Variants in PPP1R36 observed in about 807,000 individuals in gnomAD.
PPP1R36 encodes protein phosphatase 1 regulatory subunit 36, also known as chromosome 14 open reading frame 50.
PPP1R36 carries 47 observed loss-of-function variants against 53.4 expected under a neutral mutation model. The observed-to-expected ratio is 0.88, with a 90% CI of 0.70 to 1.12. PPP1R36 has a LOEUF of 1.12. Ranked by LOEUF, PPP1R36 falls within the 50% of genes most tolerant of loss-of-function variation. PPP1R36 has a pLI of 0.00. For synonymous variants in PPP1R36, 153 were observed against 170.5 expected (o/e 0.90, Z 0.80); for missense variants, 456 against 513.9 (o/e 0.89, Z 1.09).
Position 64,587,454 on chromosome 14 carries a change from T to C in PPP1R36, c.890+82T>C, listed in dbSNP as rs2080444823. The C allele has an allele frequency of 7.9e-6, 3 of 379,282 alleles. No individual in the cohort carries two copies. In the African/African-American group the frequency reaches 1.3e-4, roughly 16 times the overall value. 23.5% of individuals were successfully genotyped at this position (379,282 alleles called of 1,614,324 possible). On this transcript the variant is annotated intron_variant, in intron 10 of 11. Coordinates refer to ENST00000298705, the MANE Select transcript of PPP1R36 (RefSeq NM_172365.3). ...TTTTCTTTTCTTTTTTCTCCTTTTT[T>C]TTTTTTTTTTTTTTTTTTTTTTTTG...
rs111285340 is a variant in PPP1R36, at chr14:64,565,520, T to G, written c.367+66T>G. 4.5e-4 allele frequency: 644 copies of G among 1,429,288 alleles called. 7 individuals are homozygous for G. In the African/African-American group the frequency reaches 8.0e-3, roughly 18 times the overall value. The allele number at this position is 1,429,288 out of a possible 1,614,324, so 88.5% of individuals were successfully genotyped here. A position where few individuals can be genotyped will look rare whatever the true frequency, so the allele number is the denominator to read the frequency against. On this transcript the variant is annotated intron_variant, in intron 5 of 11. Transcript: ENST00000298705. ...GTACATACATACACATATCCATACA[T>G]AAACATCCGCCCATCTACATATAAC...
In PPP1R36 at chr14:64,588,277, A is replaced by G; in HGVS notation, c.1064A>G (p.Asp355Gly). 1 of 1,610,900 alleles carries G rather than the reference A, an allele frequency of 6.2e-7. No individual in the cohort carries two copies. The highest frequency in any genetic ancestry group is 8.5e-7 in the Non-Finnish European group (1 of 1,177,802). ...ATGCAAAAGCATGTGGGAACTCTGG[A>G]CTCTGTGCCCATGCCGGTGTAAGTG... is the stretch of plus-strand genomic sequence containing the variant. ...AEMQKHVGTL[D>G]SVPMPVVGIL... Residue 355 changes from aspartate to glycine, a missense_variant, in exon 11 of 12, where the codon GAC (aspartate) becomes GGC (glycine). Physicochemically the swap from Asp to Gly is moderately conservative, Grantham distance 94. Coordinates refer to ENST00000298705, the MANE Select transcript of PPP1R36 (RefSeq NM_172365.3).
Position 64,579,651 on chromosome 14 carries a change from T to A in PPP1R36, c.668+5062T>A, listed in dbSNP as rs149549493. 1.7e-3 allele frequency among the ~76,000 whole-genome samples: 263 copies of A among 152,336 alleles called. 1 individual carries two copies. The Middle Eastern group carries it at 0.037, about 22-fold the overall frequency. On this transcript the variant is annotated intron_variant, in intron 8 of 11. Coordinates refer to ENST00000298705, the MANE Select transcript of PPP1R36 (RefSeq NM_172365.3). ...TTGTCTTTAAAGTGTCACTTCTAGT[T>A]AGAAAACTAGGATTTAAGGTTAAAA...
chr14:64,570,037 C>G (rs1027211634), intron 7 of PPP1R36, among the ~76,000 whole-genome samples: 1 of 151,966 alleles, frequency 6.6e-6, no homozygotes, highest in Non-Finnish European at 1.5e-5. Context: ...CCGTGCCTGG[C>G]CTACTTTCTT....
intron 8 of PPP1R36, among the ~76,000 whole-genome samples, chr14:64,585,108 T>G (rs2080420654): frequency 6.6e-6 from 1 of 152,168 alleles, no homozygotes; most frequent in Non-Finnish European, 1.5e-5. Flanking sequence ...AGGCCGAAGG[T>G]CCTGTGAGGT....
At chr14:64,585,017 CCCCAGTAACCA>C (rs1336345789) in intron 8 of PPP1R36, among the ~76,000 whole-genome samples, 1 of 152,176 alleles carries the variant, frequency 6.6e-6, no homozygotes, top group Non-Finnish European at 1.5e-5. Context: ...GAGGGGCAGG[CCCCAGTAACCA>C]CCTCTTTGGC....
At chr14:64,554,149 T>G (rs961710167) in intron 3 of PPP1R36, among the ~76,000 whole-genome samples, 46 of 141,158 alleles carry the variant, frequency 3.3e-4, no homozygotes, top group Non-Finnish European at 4.6e-4. Context: ...ATTGTTTTTT[T>G]TTTTTTTTTT....
In PPP1R36 at chr14:64,568,404, T is replaced by A. The variant is rs757436474; in HGVS notation, c.490T>A (p.Leu164Met). ...MALLYYLSHY[L>M]EKNSLEKKPK... ...ATTATTGTACTACTTATCCCATTAC[T>A]TGGAAAAAAACTCACTGGAAAAGAA... Residue 164 changes from leucine to methionine, a missense_variant, in exon 7 of 12, where the codon TTG becomes ATG. Physicochemically the swap from Leu to Met is conservative, Grantham distance 15 (BLOSUM62 2). Transcript: ENST00000298705. The A allele has an allele frequency of 6.4e-7, 1 of 1,568,468 alleles. No individual in the cohort carries two copies. The highest frequency in any genetic ancestry group is 1.2e-5 in the South Asian group (1 of 86,390).
At chr14:64,584,702 T>C (rs2080417019) in intron 8 of PPP1R36, among the ~76,000 whole-genome samples, 1 of 152,172 alleles carries the variant, frequency 6.6e-6, no homozygotes, top group Admixed American at 6.5e-5. Flanking sequence ...CTGTCCCTAA[T>C]TAGATATATG....
At chr14:64,571,110 C>CTGTT (rs10638013) in intron 7 of PPP1R36, among the ~76,000 whole-genome samples, 46,102 of 150,412 alleles carry the variant, frequency 0.31, 7,201 homozygotes, top group African/African-American at 0.38. Context: ...TATGTATGTA[C>CTGTT]TGTTTGTTTG....
chr14:64,578,910 T>G (rs911625084), intron 8 of PPP1R36, among the ~76,000 whole-genome samples: 2 of 152,188 alleles, frequency 1.3e-5, no homozygotes, highest in Non-Finnish European at 2.9e-5. Context: ...GTTTACACCT[T>G]GGAATACTCT....
chr14:64,558,300 TG>T (rs1157388786), intron 3 of PPP1R36, among the ~76,000 whole-genome samples: 2 of 152,096 alleles, frequency 1.3e-5, no homozygotes, highest in African/African-American at 4.8e-5. Context: ...AGTACTCAGC[TG>T]GGTGTGGTGG....
At chr14:64,560,851 T>C (rs1322861146) in intron 3 of PPP1R36, among the ~76,000 whole-genome samples, 1 of 152,190 alleles carries the variant, frequency 6.6e-6, no homozygotes, top group Admixed American at 6.5e-5. Context: ...ACTTTATAAG[T>C]CTGCAGAGAG....
intron 7 of PPP1R36, among the ~76,000 whole-genome samples, chr14:64,570,265 C>T (rs1168833321): frequency 1.3e-5 from 2 of 151,884 alleles, no homozygotes; most frequent in African/African-American, 2.4e-5. Context: ...GAGTGGATCA[C>T]GAGGTCAGGA....
rs898647178 is a variant in PPP1R36 at position 64,587,280 on chromosome 14, C to T, written c.798C>T (p.Leu266=). ...LTEIEEEVGR[L]FRTNMFNIPR... Reference sequence around the variant, plus strand: ...AGATTGAAGAAGAAGTAGGGAGACTCTTTCGTACCAATATGTTCAACATTC... The same window carrying T: ...AGATTGAAGAAGAAGTAGGGAGACTTTTTCGTACCAATATGTTCAACATTC... The change falls in exon 10 of 12, where the codon CTC becomes CTT. Residue 266 remains leucine, a synonymous_variant. Transcript: ENST00000298705. 2.5e-6 allele frequency: 4 copies of T among 1,613,482 alleles called. No individual in the cohort carries two copies. The South Asian group carries it at 4.4e-5, about 18-fold the overall frequency.
At chr14:64,556,603 T>TC (rs2080154362) in intron 3 of PPP1R36, among the ~76,000 whole-genome samples, 1 of 75,078 alleles carries the variant, frequency 1.3e-5, no homozygotes, top group African/African-American at 5.3e-5. Context: ...TTCCCACAAT[T>TC]TTTTTTTTTT....
intron 8 of PPP1R36, among the ~76,000 whole-genome samples, chr14:64,585,060 T>C (rs1231125537): frequency 4.6e-5 from 7 of 152,194 alleles, no homozygotes; most frequent in African/African-American, 1.7e-4. Flanking sequence ...AGTGGAGGGC[T>C]AGTTTGGGCC....
intron 6 of PPP1R36, 116 bp downstream of exon 6, chr14:64,565,808 C>T: frequency 1.3e-6 from 1 of 777,704 alleles, no homozygotes; most frequent in Non-Finnish European, 2.2e-6. Flanking sequence ...TGGCTCTATG[C>T]AAGCCATCCT....
intron 6 of PPP1R36, among the ~76,000 whole-genome samples, chr14:64,567,632 C>T (rs369923491): frequency 2.0e-4 from 31 of 152,132 alleles, no homozygotes; most frequent in African/African-American, 4.3e-4. Flanking sequence ...TCTATGTTTT[C>T]GAAAGTTTAG....
Sources: allele counts gnomAD v4.1 joint callset (sites outside exome capture counted in the v4.1 genomes callset), GRCh38; gene constraint gnomAD v4.1.1; transcripts MANE v1.5; gene names NCBI Gene and HGNC (gene_info 2026-07-23, HGNC 2026-07-21).